Variants in FRMD7 observed in about 807,000 individuals in gnomAD.
FRMD7 encodes FERM domain-containing protein 7.
FRMD7 carries 14 observed loss-of-function variants against 44.1 expected under a neutral mutation model. The observed-to-expected ratio is 0.32, with a 90% CI of 0.21 to 0.50. The LOEUF is 0.50. Among genes scored for constraint, FRMD7 ranks in the 20% least tolerant of loss-of-function variants. The pLI is 0.99. For synonymous variants in FRMD7, 212 were observed against 187.4 expected (o/e 1.13, Z -1.07); for missense variants, 501 against 522.3 (o/e 0.96, Z 0.40).
At chrX:132,087,107 G>T (rs1338910506) in intron 5 of FRMD7, among the ~76,000 whole-genome samples, 1 of 111,763 alleles carries the variant, frequency 8.9e-6, no homozygotes, top group East Asian at 2.8e-4. Context: ...AGATTGTTTT[G>T]ATTTTTGGAT....
At chrX:132,091,753 T>C (rs1286997794) in intron 5 of FRMD7, among the ~76,000 whole-genome samples, 2 of 110,616 alleles carry the variant, frequency 1.8e-5, no homozygotes, top group African/African-American at 6.6e-5. Context: ...GAGAATCACT[T>C]GAACCTGGGA....
At chrX:132,087,619 A>G (rs1003541794) in intron 5 of FRMD7, among the ~76,000 whole-genome samples, 3 of 111,895 alleles carry the variant, frequency 2.7e-5, no homozygotes, top group Non-Finnish European at 5.6e-5. Context: ...ATTCTATCAA[A>G]TATTCAAAGA....
intron 1 of FRMD7, among the ~76,000 whole-genome samples, chrX:132,123,223 A>G (rs1278913636): frequency 9.0e-6 from 1 of 111,711 alleles, no homozygotes; most frequent in Non-Finnish European, 1.9e-5. Flanking sequence ...TAAGGCTCAA[A>G]TAGCCTAAGT....
At chrX:132,082,063 A>G (rs1392788957) in intron 9 of FRMD7, among the ~76,000 whole-genome samples, 1 of 111,996 alleles carries the variant, frequency 8.9e-6, no homozygotes, top group African/African-American at 3.3e-5. Context: ...GTTTGCATAT[A>G]AGTTAAATAT....
Position 132,093,744 on chromosome X carries a change from A to G in FRMD7, c.382+298T>C, listed in dbSNP as rs181027682. On this transcript the variant is annotated intron_variant, in intron 5 of 11. Transcript: ENST00000298542. ...ACCTGTCTGGCAAAGCCCATGCCCA[A>G]ATTAGCCCAAACCAGTTCCTGGACA... Among the ~76,000 whole-genome samples, 9 of 112,549 alleles carry G rather than the reference A, an allele frequency of 8.0e-5. No homozygotes were observed. In the East Asian group the frequency reaches 2.0e-3, roughly 24 times the overall value.
intron 1 of FRMD7, among the ~76,000 whole-genome samples, chrX:132,113,942 C>A (rs1928840223): frequency 1.2e-5 from 1 of 82,807 alleles, no homozygotes; most frequent in African/African-American, 4.6e-5. Flanking sequence ...TCCAACCCCC[C>A]ACTACTCTTC....
At chrX:132,097,402 T>TACACAC (rs762194321) in intron 3 of FRMD7, 58 bp from the exon 4 acceptor site, 57 of 581,188 alleles carry the variant, frequency 9.8e-5, no homozygotes, top group African/African-American at 1.9e-4. Flanking sequence ...CAGTTATAGG[T>TACACAC]ACACACACAC....
At position 132,085,715 on chromosome X, in the gene FRMD7, C is replaced by A. The variant is rs751852003; in HGVS notation, c.511G>T (p.Ala171Ser). The part of the protein sequence containing the change: ...FHQKHIGRSP[A>S]ESDILLLDIA... Reference sequence around the variant, plus strand: ...TCCAGTAGCAGAATGTCAGATTCAGCTGGGCTCCTGCCACTGAAAGGGGAA... The same window carrying A: ...TCCAGTAGCAGAATGTCAGATTCAGATGGGCTCCTGCCACTGAAAGGGGAA... Residue 171 changes from alanine to serine, a missense_variant, in exon 7 of 12, where the codon GCT (alanine) becomes TCT (serine). Coordinates refer to ENST00000298542, the MANE Select transcript of FRMD7 (RefSeq NM_194277.3). 8.3e-7 allele frequency: 1 copy of A among 1,210,166 alleles called. No homozygotes were observed. Among genetic ancestry groups the A allele is most frequent in the East Asian group, 3.0e-5 (1 of 33,822 alleles).
chrX:132,101,655 T>C (rs748240598), intron 1 of FRMD7, among the ~76,000 whole-genome samples: 11 of 112,275 alleles, frequency 9.8e-5, no homozygotes, highest in Non-Finnish European at 1.7e-4. Flanking sequence ...ATGAGCCCCT[T>C]GAGTAGATTT....
chrX:132,078,569 C>T lies in FRMD7; in HGVS notation c.1448G>A (p.Cys483Tyr), dbSNP rs1433351588. 1.7e-6 allele frequency: 2 copies of T among 1,209,873 alleles called. No individual in the cohort carries two copies. Among genetic ancestry groups the T allele is most frequent in the African/African-American group, 3.5e-5 (2 of 57,081 alleles). The change falls in exon 12 of 12, where the codon TGT becomes TAT. Residue 483 changes from cysteine (C) to tyrosine (Y), a missense_variant. This residue lies in a region of FRMD7 where 453 missense variants were observed against 452.7 expected (regional missense o/e 1.00). Coordinates refer to ENST00000298542, the MANE Select transcript of FRMD7 (RefSeq NM_194277.3). Reference protein sequence around the residue: ...LTYTDVPYIPCTGQQVGIMPP... With the variant: ...LTYTDVPYIPYTGQQVGIMPP... ...CATAATACCAACCTGCTGACCTGTACAAGGAATATAGGGCACATCCGTGTA... is the reference window on the plus strand; with the variant it reads ...CATAATACCAACCTGCTGACCTGTATAAGGAATATAGGGCACATCCGTGTA...
chrX:132,103,841 C>T (rs943309934), intron 1 of FRMD7, among the ~76,000 whole-genome samples: 4 of 112,339 alleles, frequency 3.6e-5, no homozygotes, highest in Non-Finnish European at 7.5e-5. Context: ...ATAAAAACCA[C>T]GTGTTTGAAT....
rs775914058 is a variant in FRMD7 at position 132,085,692 on chromosome X, C to T, written c.534G>A (p.Leu178=). Residue 178 remains leucine, a synonymous_variant, in exon 7 of 12, where the codon CTG becomes CTA. Coordinates refer to ENST00000298542, the MANE Select transcript of FRMD7 (RefSeq NM_194277.3). ...ACATATCCAGCTTCCTTGCTATGTCCAGTAGCAGAATGTCAGATTCAGCTG... is the reference window on the plus strand; with the variant it reads ...ACATATCCAGCTTCCTTGCTATGTCTAGTAGCAGAATGTCAGATTCAGCTG... ...RSPAESDILL[L]DIARKLDMYG... is the part of the protein sequence containing the mutation. 3 of 1,209,309 alleles carry T rather than the reference C, an allele frequency of 2.5e-6. No homozygotes were observed. The highest frequency in any genetic ancestry group is 2.2e-6 in the Non-Finnish European group (2 of 893,306).
At position 132,100,687 on chromosome X, in the gene FRMD7, G is replaced by A. The variant is rs764919120; in HGVS notation, c.87C>T (p.Asn29=). Residue 29 remains asparagine (N), a synonymous_variant, in exon 2 of 12, where the codon AAC becomes AAT. Transcript: ENST00000298542. ...DQKSSGKALF[N]LSCSHLNLAE... ...CAAGATTTAGATGGCTGCAACTCAGGTTAAACAATGCCTTCCCGGATGACT... is the reference window on the plus strand; with the variant it reads ...CAAGATTTAGATGGCTGCAACTCAGATTAAACAATGCCTTCCCGGATGACT... 1.1e-5 allele frequency: 13 copies of A among 1,203,288 alleles called. No individual in the cohort carries two copies. The East Asian group carries it at 2.7e-4, about 25-fold the overall frequency.
At chrX:132,095,333 G>T (rs1403309873) in intron 4 of FRMD7, among the ~76,000 whole-genome samples, 2 of 110,473 alleles carry the variant, frequency 1.8e-5, no homozygotes, top group African/African-American at 3.3e-5. Context: ...GACCTCAGTT[G>T]ATTGCCCCAC....
Position 132,078,454 on chromosome X carries a change from G to A in FRMD7, c.1563C>T (p.Ser521=), listed in dbSNP as rs763653682. The change falls in exon 12 of 12, where the codon AGC becomes AGT. Residue 521 remains serine (S), a synonymous_variant. Transcript: ENST00000298542. The part of the protein sequence containing the change: ...IRAEERTSPH[S]YVEPTAMKPA... ...GCTTCATTGCAGTGGGCTCTACATA[G>A]CTATGTGGACTTGTCCTTTCCTCTG... 17 of 1,209,153 alleles carry A rather than the reference G, an allele frequency of 1.4e-5. No homozygotes were observed. Among genetic ancestry groups the A allele is most frequent in the Non-Finnish European group, 1.5e-5 (13 of 894,853 alleles).
intron 1 of FRMD7, among the ~76,000 whole-genome samples, chrX:132,127,059 G>A (rs999118004): frequency 3.6e-5 from 4 of 112,286 alleles, no homozygotes; most frequent in Non-Finnish European, 7.5e-5. Context: ...AGAGCAAATA[G>A]CATTTTTGGT....
At chrX:132,094,162 C>A (rs1338439647) in intron 4 of FRMD7, 23 bp from the exon 5 acceptor site, 5 of 877,386 alleles carry the variant, frequency 5.7e-6, no homozygotes, top group Non-Finnish European at 8.4e-6. Context: ...TGGGGAGAAT[C>A]TCTTGAGAAA....
chrX:132,118,714 GTC>G (rs1928964353), intron 1 of FRMD7, among the ~76,000 whole-genome samples: 1 of 111,600 alleles, frequency 9.0e-6, no homozygotes, highest in South Asian at 3.7e-4. Flanking sequence ...GTTCCTGCTT[GTC>G]TCTCCTGTCT....
At chrX:132,107,030 G>A (rs1412595402) in intron 1 of FRMD7, among the ~76,000 whole-genome samples, 1 of 111,106 alleles carries the variant, frequency 9.0e-6, no homozygotes, top group Non-Finnish European at 1.9e-5. Flanking sequence ...AAAATTAAAA[G>A]ATTTTTAAAA....
Sources: allele counts gnomAD v4.1 joint callset (sites outside exome capture counted in the v4.1 genomes callset), GRCh38; gene constraint gnomAD v4.1.1; regional missense constraint gnomAD v4.1.1; transcripts MANE v1.5; gene names NCBI Gene and HGNC (gene_info 2026-07-23, HGNC 2026-07-21).